MEIS1: variants seen among roughly 807,000 people sequenced by gnomAD.
MEIS1 encodes homeobox protein Meis1.
Under a neutral mutation model 50.8 loss-of-function variants are expected in MEIS1, and 5 were observed. That is an observed-to-expected ratio of 0.10 (90% CI 0.05 to 0.21). MEIS1 has a LOEUF of 0.21. Among genes scored for constraint, MEIS1 ranks in the 10% least tolerant of loss-of-function variants. The probability of loss-of-function intolerance (pLI) is 1.00; values close to 1 mark genes in which losing one functional copy is unlikely to be tolerated. For synonymous variants in MEIS1, 176 were observed against 179.3 expected (o/e 0.98, Z 0.15); for missense variants, 318 against 517.3 (o/e 0.61, Z 3.74).
chr2:66,475,324 T>C (rs911264935), intron 7 of MEIS1, among the ~76,000 whole-genome samples: 7 of 146,384 alleles, frequency 4.8e-5, no homozygotes, highest in Non-Finnish European at 9.0e-5. Flanking sequence ...ATAAATAACA[T>C]ATTTATATAT....
chr2:66,466,751 T>C (rs983175872), intron 7 of MEIS1, among the ~76,000 whole-genome samples: 3 of 152,218 alleles, frequency 2.0e-5, no homozygotes, highest in Non-Finnish European at 4.4e-5. Context: ...TATAAATCCA[T>C]AAATATGTCT....
intron 6 of MEIS1, among the ~76,000 whole-genome samples, chr2:66,448,495 G>A (rs951174911): frequency 5.3e-5 from 8 of 152,148 alleles, no homozygotes; most frequent in African/African-American, 1.7e-4. Flanking sequence ...TACCTCACAG[G>A]TGGAGTTGGA....
chr2:66,547,897 G>A (rs761563100), intron 8 of MEIS1, 46 bp from the exon 9 acceptor site: 3 of 1,595,416 alleles, frequency 1.9e-6, no homozygotes, highest in Non-Finnish European at 1.7e-6. Context: ...TGACAAAATG[G>A]CTAAATATTG....
chr2:66,549,828 A>T (rs1244654482), intron 9 of MEIS1, among the ~76,000 whole-genome samples: 1 of 152,204 alleles, frequency 6.6e-6, no homozygotes, highest in Non-Finnish European at 1.5e-5. Flanking sequence ...CACAGTTACC[A>T]GAGAACAAAT....
intron 7 of MEIS1, among the ~76,000 whole-genome samples, chr2:66,498,439 A>G (rs1030778403): frequency 6.6e-6 from 1 of 152,128 alleles, no homozygotes; most frequent in African/African-American, 2.4e-5. Flanking sequence ...CCAAGAAGCT[A>G]AGCTATTCTC....
At chr2:66,469,419 A>C (rs1672715626) in intron 7 of MEIS1, among the ~76,000 whole-genome samples, 1 of 152,160 alleles carries the variant, frequency 6.6e-6, no homozygotes, top group East Asian at 1.9e-4. Flanking sequence ...TGAAGCCAGC[A>C]GGCAGAGCGG....
chr2:66,475,053 A>G (rs1672857044), intron 7 of MEIS1, among the ~76,000 whole-genome samples: 1 of 151,444 alleles, frequency 6.6e-6, no homozygotes, highest in Non-Finnish European at 1.5e-5. Context: ...GACAGCCAGG[A>G]CAGCTAGCAC....
intron 6 of MEIS1, among the ~76,000 whole-genome samples, chr2:66,446,493 C>A (rs377255344): frequency 1.3e-5 from 2 of 152,140 alleles, no homozygotes; most frequent in Admixed American, 6.5e-5. Context: ...GGTCTGTGCT[C>A]GGGCCTCAGC....
chr2:66,502,969 C>CA (rs982895610), intron 7 of MEIS1, among the ~76,000 whole-genome samples: 1 of 152,176 alleles, frequency 6.6e-6, no homozygotes, highest in African/African-American at 2.4e-5. Context: ...GGCTTCTATG[C>CA]AAAAATACAT....
intron 7 of MEIS1, among the ~76,000 whole-genome samples, chr2:66,472,669 C>T (rs1405656336): frequency 1.3e-5 from 2 of 152,144 alleles, no homozygotes; most frequent in South Asian, 2.1e-4. Context: ...TGAAACACAG[C>T]GTGGTGGGTA....
At chr2:66,511,103 C>G (rs1048838563) in intron 7 of MEIS1, among the ~76,000 whole-genome samples, 4 of 152,052 alleles carry the variant, frequency 2.6e-5, no homozygotes, top group African/African-American at 9.7e-5. Context: ...AACGGTTGAC[C>G]GAGCTAAGCT....
rs931091022 is a variant in MEIS1 at position 66,435,143 on chromosome 2, C to T, written c.-714C>T. ...TTCTAGCATTCTGGTCGGAATCCACCTCTCCGCCTGTGCAACACACACTTT... is the reference window on the plus strand; with the variant it reads ...TTCTAGCATTCTGGTCGGAATCCACTTCTCCGCCTGTGCAACACACACTTT... On this transcript the variant is annotated 5_prime_UTR_variant, in exon 1 of 13. Transcript: ENST00000272369. 6.6e-6 allele frequency: 1 copy of T among 152,570 alleles called. No individual in the cohort carries two copies. Among genetic ancestry groups the T allele is most frequent in the Admixed American group, 6.5e-5 (1 of 15,288 alleles). The allele number at this position is 152,570 out of a possible 1,614,324, so 9.5% of individuals were successfully genotyped here. A position where few individuals can be genotyped will look rare whatever the true frequency, so the allele number is the denominator to read the frequency against.
chr2:66,446,700 G>A (rs2103701273), intron 6 of MEIS1, among the ~76,000 whole-genome samples: 1 of 152,338 alleles, frequency 6.6e-6, no homozygotes, highest in African/African-American at 2.4e-5. Flanking sequence ...CTGGGGAGAA[G>A]TAATATGGCT....
intron 7 of MEIS1, among the ~76,000 whole-genome samples, chr2:66,472,914 T>C (rs1314204884): frequency 6.6e-6 from 1 of 152,160 alleles, no homozygotes; most frequent in African/African-American, 2.4e-5. Flanking sequence ...TTCAAGGGAA[T>C]CTTGACATTT....
chr2:66,533,146 C>G (rs1674434419), intron 8 of MEIS1, among the ~76,000 whole-genome samples: 1 of 152,162 alleles, frequency 6.6e-6, no homozygotes, highest in Admixed American at 6.5e-5. Context: ...AGATCCTCTG[C>G]TCCCTTTTCT....
intron 8 of MEIS1, among the ~76,000 whole-genome samples, chr2:66,535,260 A>G (rs1487082954): frequency 6.6e-6 from 1 of 152,158 alleles, no homozygotes; most frequent in African/African-American, 2.4e-5. Context: ...AATGAGGGCA[A>G]CATTACCTAT....
chr2:66,482,738 T>C (rs1673047539), intron 7 of MEIS1, among the ~76,000 whole-genome samples: 2 of 152,212 alleles, frequency 1.3e-5, no homozygotes, highest in African/African-American at 4.8e-5. Flanking sequence ...CAGTGTTTGT[T>C]TCTCCCTTTA....
intron 7 of MEIS1, among the ~76,000 whole-genome samples, chr2:66,483,411 C>T (rs1673066139): frequency 6.6e-6 from 1 of 152,024 alleles, no homozygotes; most frequent in African/African-American, 2.4e-5. Context: ...TGATGCCTTC[C>T]AAGAAATTGA....
intron 6 of MEIS1, among the ~76,000 whole-genome samples, chr2:66,447,214 A>G (rs1672173562): frequency 6.6e-6 from 1 of 152,230 alleles, no homozygotes; most frequent in Non-Finnish European, 1.5e-5. Flanking sequence ...AAAAGTGGAC[A>G]CAAACAGCGG....
Sources: gnomAD v4.1 joint callset for allele counts (sites outside exome capture counted in the v4.1 genomes callset) on GRCh38, gnomAD v4.1.1 for gene constraint, MANE v1.5 for transcripts, NCBI Gene and HGNC (gene_info 2026-07-23, HGNC 2026-07-21) for gene names.